The following GABPB1 variants were observed in gnomAD, a reference collection of about 807,000 sequenced individuals.
The protein encoded by GABPB1 is GA binding protein transcription factor subunit beta 1.
Under a neutral mutation model 45.9 loss-of-function variants are expected in GABPB1, and 15 were observed. That is an observed-to-expected ratio of 0.33 (90% confidence interval 0.22 to 0.50). The LOEUF is 0.50. Among genes scored for constraint, GABPB1 ranks in the 20% least tolerant of loss-of-function variants. The pLI is 0.98. For missense variants in GABPB1, 252 were observed against 457.5 expected, an observed-to-expected ratio of 0.55 and a Z score of 4.10; for synonymous variants, 143 against 154.4, an observed-to-expected ratio of 0.93 and a Z score of 0.55.
At chr15:50,285,670 T>C (rs1306068412) in intron 8 of GABPB1, among the ~76,000 whole-genome samples, 1 of 152,068 alleles carries the variant, frequency 6.6e-6, no homozygotes, top group Non-Finnish European at 1.5e-5. Flanking sequence ...CAACCTCCTT[T>C]AAGAGGACCC....
At chr15:50,292,508 G>A (rs1425389319) in intron 6 of GABPB1, among the ~76,000 whole-genome samples, 10 of 152,034 alleles carry the variant, frequency 6.6e-5, no homozygotes, top group East Asian at 3.9e-4. Context: ...GAAAAGACCC[G>A]GCAGTCATCA....
intron 1 of GABPB1, among the ~76,000 whole-genome samples, chr15:50,325,325 C>T (rs1266949192): frequency 6.7e-6 from 1 of 148,356 alleles, no homozygotes; most frequent in African/African-American, 2.5e-5. Context: ...AAAAAAAAGG[C>T]ACGGCTAAAA....
At chr15:50,342,914 G>A (rs1028874009) in intron 1 of GABPB1, among the ~76,000 whole-genome samples, 3 of 152,112 alleles carry the variant, frequency 2.0e-5, no homozygotes, top group Non-Finnish European at 4.4e-5. Context: ...TTGTTTGTTT[G>A]TTTTGAGATG....
rs1226149698 is a variant in GABPB1, at chr15:50,276,040, T to C, written c.*2592A>G. The C allele has an allele frequency of 6.6e-6, 1 of 152,162 alleles. No homozygotes were observed. The highest frequency in any genetic ancestry group is 1.5e-5 in the Non-Finnish European group (1 of 68,036). 9.4% of individuals were successfully genotyped at this position (152,162 alleles called of 1,614,324 possible). On this transcript the variant is annotated 3_prime_UTR_variant, in exon 9 of 9. Transcript: ENST00000380877. ...TCTAGGTGCACAGGAAAGAAAATAA[T>C]TCATTACACCATAACACTAAATGGC...
rs530280112 is a variant in GABPB1 at position 50,281,495 on chromosome 15, G to A, written c.1000-2711C>T. Among the ~76,000 whole-genome samples, 61 of 152,258 alleles carry A rather than the reference G, an allele frequency of 4.0e-4. 2 individuals are homozygous for A. The South Asian group carries it at 6.6e-3, about 17-fold the overall frequency. ...CAAAGTGCTAGGATTACAGGCGTGA[G>A]CCACTGCGCCCGGCCTAAATGTTTT... On this transcript the variant is annotated intron_variant, in intron 8 of 8. Transcript: ENST00000380877.
intron 6 of GABPB1, among the ~76,000 whole-genome samples, chr15:50,294,725 A>G (rs2141002012): frequency 6.6e-6 from 1 of 152,294 alleles, no homozygotes; most frequent in African/African-American, 2.4e-5. Context: ...ACAATGTGCA[A>G]AACAGACCTG....
intron 1 of GABPB1, among the ~76,000 whole-genome samples, chr15:50,321,427 G>C (rs2047565048): frequency 6.6e-6 from 1 of 152,028 alleles, no homozygotes; most frequent in Non-Finnish European, 1.5e-5. Context: ...CTTCCTTCTA[G>C]GATAACTTTC....
At chr15:50,304,637 G>A (rs1219282011) in intron 2 of GABPB1, among the ~76,000 whole-genome samples, 1 of 151,744 alleles carries the variant, frequency 6.6e-6, no homozygotes, top group Non-Finnish European at 1.5e-5. Flanking sequence ...CTTGAACCCA[G>A]GAGGCAGAGG....
At chr15:50,304,481 C>T (rs1010383582) in intron 2 of GABPB1, among the ~76,000 whole-genome samples, 3 of 152,130 alleles carry the variant, frequency 2.0e-5, no homozygotes, top group Admixed American at 6.5e-5. Context: ...GAAGCCAAGG[C>T]GGGTGGATCA....
chr15:50,325,793 A>G (rs1051595234), intron 1 of GABPB1, among the ~76,000 whole-genome samples: 1 of 152,202 alleles, frequency 6.6e-6, no homozygotes, highest in African/African-American at 2.4e-5. Flanking sequence ...GGCCTCCCAA[A>G]GTGCTGGGAT....
At chr15:50,300,113 A>G (rs541379424) in intron 6 of GABPB1, among the ~76,000 whole-genome samples, 1 of 152,112 alleles carries the variant, frequency 6.6e-6, no homozygotes, top group Non-Finnish European at 1.5e-5. Flanking sequence ...AGCCAAAGTG[A>G]GTTGTTTAAA....
chr15:50,331,315 A>G (rs1007731524), intron 1 of GABPB1, among the ~76,000 whole-genome samples: 11 of 152,144 alleles, frequency 7.2e-5, no homozygotes, highest in African/African-American at 2.7e-4. Flanking sequence ...TAGAACCCTT[A>G]GTGGCAAACG....
chr15:50,354,024 T>C (rs918688587), intron 1 of GABPB1: 4 of 240,326 alleles, frequency 1.7e-5, no homozygotes, highest in Non-Finnish European at 2.5e-5. Flanking sequence ...GCAAGAGTAT[T>C]TGTACTGAAA....
intron 1 of GABPB1, among the ~76,000 whole-genome samples, chr15:50,344,826 G>A (rs1432377086): frequency 6.6e-6 from 1 of 152,050 alleles, no homozygotes; most frequent in Non-Finnish European, 1.5e-5. Context: ...CAACAAGAAT[G>A]AAACTCCGTC....
chr15:50,325,475 T>C (rs1011176071), intron 1 of GABPB1, among the ~76,000 whole-genome samples: 2 of 152,042 alleles, frequency 1.3e-5, no homozygotes, highest in Non-Finnish European at 2.9e-5. Flanking sequence ...TCATCATCTG[T>C]GGTTCACTAT....
intron 6 of GABPB1, among the ~76,000 whole-genome samples, chr15:50,291,002 C>T (rs2046325842): frequency 6.6e-6 from 1 of 152,150 alleles, no homozygotes; most frequent in African/African-American, 2.4e-5. Flanking sequence ...TAAAAAACTA[C>T]AAACAACGCA....
rs2046850419 is a variant in GABPB1, at chr15:50,303,990, G to C, written c.252C>G (p.Ala84=). The change falls in exon 3 of 9, where the codon GCC becomes GCG. Residue 84 remains alanine, a synonymous_variant. Coordinates refer to ENST00000380877, the MANE Select transcript of GABPB1 (RefSeq NM_016654.5). The part of the protein sequence containing the change: ...PLHMAASEGH[A]SIVEVLLKHG... ...CCTTAAGTAAAACCTCTACTATGCTGGCATGGCCCTCAGAAGCTGCCATAT... is the reference window on the plus strand; with the variant it reads ...CCTTAAGTAAAACCTCTACTATGCTCGCATGGCCCTCAGAAGCTGCCATAT... 1.9e-6 allele frequency: 3 copies of C among 1,609,586 alleles called. No homozygotes were observed. Among genetic ancestry groups the C allele is most frequent in the Non-Finnish European group, 2.5e-6 (3 of 1,178,396 alleles).
At chr15:50,282,330 G>A (rs753288055) in intron 8 of GABPB1, 21 of 453,822 alleles carry the variant, frequency 4.6e-5, no homozygotes, top group African/African-American at 3.8e-4. Flanking sequence ...AGGCTGAGGT[G>A]GGAGGATCAC....
intron 1 of GABPB1, chr15:50,351,659 A>T (rs2048831400): frequency 1.1e-5 from 1 of 88,706 alleles, no homozygotes; most frequent in African/African-American, 5.2e-5. Context: ...GGAGAGAGGA[A>T]AGAGGGAGGG....
Sources: allele counts gnomAD v4.1 joint callset (sites outside exome capture counted in the v4.1 genomes callset), GRCh38; gene constraint gnomAD v4.1.1; transcripts MANE v1.5; gene names NCBI Gene and HGNC (gene_info 2026-07-23, HGNC 2026-07-21).